The following GRIN2B variants were observed in gnomAD, a reference collection of about 807,000 sequenced individuals.
GRIN2B encodes the protein glutamate ionotropic receptor NMDA type subunit 2B.
Under a neutral mutation model 114.5 loss-of-function variants are expected in GRIN2B, and 5 were observed. The observed-to-expected ratio is 0.04, with a 90% CI of 0.02 to 0.09. The LOEUF is 0.09. Among genes scored for constraint, GRIN2B ranks in the 10% least tolerant of loss-of-function variants. The probability of loss-of-function intolerance (pLI) is 1.00; values close to 1 mark genes in which losing one functional copy is unlikely to be tolerated. For missense variants in GRIN2B, 1,108 were observed against 1,943.5 expected, an observed-to-expected ratio of 0.57 and a Z score of 8.08; for synonymous variants, 787 against 745.1, an observed-to-expected ratio of 1.06 and a Z score of -0.92.
chr12:13,617,296 T>C (rs1949457290), intron 5 of GRIN2B, among the ~76,000 whole-genome samples: 1 of 152,224 alleles, frequency 6.6e-6, no homozygotes, highest in South Asian at 2.1e-4. Flanking sequence ...CATGGGTCAA[T>C]GCAGATGTGC....
intron 4 of GRIN2B, among the ~76,000 whole-genome samples, chr12:13,697,192 C>G (rs947409110): frequency 6.6e-6 from 1 of 152,106 alleles, no homozygotes; most frequent in Non-Finnish European, 1.5e-5. Flanking sequence ...TGAATTACTC[C>G]CACAACTCAG....
intron 5 of GRIN2B, among the ~76,000 whole-genome samples, chr12:13,622,549 T>G (rs1442562632): frequency 6.6e-6 from 1 of 152,198 alleles, no homozygotes; most frequent in African/African-American, 2.4e-5. Flanking sequence ...TTTTCTCTAT[T>G]TACCTATCTT....
intron 2 of GRIN2B, among the ~76,000 whole-genome samples, chr12:13,915,733 A>G (rs1866706133): frequency 1.3e-5 from 2 of 152,066 alleles, no homozygotes; most frequent in African/African-American, 2.4e-5. Flanking sequence ...CAGCCTTAGG[A>G]CCACCTCCAG....
chr12:13,947,497 T>C (rs1036274459), intron 2 of GRIN2B, among the ~76,000 whole-genome samples: 2 of 152,000 alleles, frequency 1.3e-5, no homozygotes, highest in African/African-American at 4.8e-5. Flanking sequence ...ACTGGAGAAA[T>C]GTGGCCCATA....
chr12:13,695,545 A>G (rs1390409971), intron 4 of GRIN2B, among the ~76,000 whole-genome samples: 2 of 152,100 alleles, frequency 1.3e-5, no homozygotes, highest in Non-Finnish European at 2.9e-5. Flanking sequence ...TCAGGTACAA[A>G]GAAGAGTATG....
At chr12:13,613,126 C>T (rs1454522437) in intron 8 of GRIN2B, among the ~76,000 whole-genome samples, 2 of 152,118 alleles carry the variant, frequency 1.3e-5, no homozygotes, top group African/African-American at 4.8e-5. Context: ...GAGATGCGAG[C>T]GTAAGAGGTA....
chr12:13,904,034 T>C (rs1481141687), intron 2 of GRIN2B, among the ~76,000 whole-genome samples: 1 of 152,032 alleles, frequency 6.6e-6, no homozygotes, highest in East Asian at 1.9e-4. Flanking sequence ...TTTCCAACTT[T>C]GTATAGTCAC....
chr12:13,750,352 T>C (rs943134745), intron 4 of GRIN2B, among the ~76,000 whole-genome samples: 3 of 152,324 alleles, frequency 2.0e-5, no homozygotes, highest in Admixed American at 2.0e-4. Flanking sequence ...GATATGTGGT[T>C]AGAAACCAGG....
chr12:13,581,462 T>C (rs374009627), intron 10 of GRIN2B, among the ~76,000 whole-genome samples: 180 of 151,678 alleles, frequency 1.2e-3, no homozygotes, highest in African/African-American at 4.1e-3. Flanking sequence ...TCTCCTCTTC[T>C]ACCATAATCC....
intron 2 of GRIN2B, among the ~76,000 whole-genome samples, chr12:13,956,724 G>C (rs1565600067): frequency 6.6e-6 from 1 of 152,150 alleles, no homozygotes; most frequent in Non-Finnish European, 1.5e-5. Flanking sequence ...CCATTTCCCT[G>C]TAAACATATT....
intron 11 of GRIN2B, among the ~76,000 whole-genome samples, chr12:13,571,332 G>A (rs1948705939): frequency 6.6e-6 from 1 of 152,176 alleles, no homozygotes; most frequent in Admixed American, 6.5e-5. Flanking sequence ...ACTCCCTAGA[G>A]GACAGAGTAT....
At chr12:13,814,266 T>C (rs1343211196) in intron 3 of GRIN2B, among the ~76,000 whole-genome samples, 1 of 152,178 alleles carries the variant, frequency 6.6e-6, no homozygotes, top group African/African-American at 2.4e-5. Flanking sequence ...ATGCACTAAT[T>C]CTCAGCTAGA....
intron 5 of GRIN2B, among the ~76,000 whole-genome samples, chr12:13,654,155 A>G (rs1006128790): frequency 2.0e-5 from 3 of 152,242 alleles, no homozygotes; most frequent in South Asian, 2.1e-4. Flanking sequence ...GAGTGGCTCA[A>G]TGGGAATCCT....
chr12:13,801,524 G>T (rs1466299612), intron 3 of GRIN2B, among the ~76,000 whole-genome samples: 2 of 152,156 alleles, frequency 1.3e-5, no homozygotes, highest in South Asian at 4.1e-4. Flanking sequence ...GGGGCCTGTA[G>T]AAATGGCTTT....
At chr12:13,885,656 G>A (rs1035345528) in intron 2 of GRIN2B, among the ~76,000 whole-genome samples, 6 of 152,122 alleles carry the variant, frequency 3.9e-5, no homozygotes, top group East Asian at 1.9e-4. Context: ...CTACAGGAGC[G>A]CTTAACAAGG....
At chr12:13,967,596 A>C (rs968687087) in intron 2 of GRIN2B, among the ~76,000 whole-genome samples, 5 of 152,258 alleles carry the variant, frequency 3.3e-5, no homozygotes, top group Non-Finnish European at 5.9e-5. Flanking sequence ...GCCATCCATT[A>C]AACATCTATG....
At chr12:13,856,002 A>C (rs148159477) in intron 3 of GRIN2B, among the ~76,000 whole-genome samples, 1 of 152,236 alleles carries the variant, frequency 6.6e-6, no homozygotes, top group Non-Finnish European at 1.5e-5. Flanking sequence ...AGAGAGACAG[A>C]TGTGTTAACA....
At chr12:13,582,658 C>G (rs1315669611) in intron 10 of GRIN2B, among the ~76,000 whole-genome samples, 1 of 151,836 alleles carries the variant, frequency 6.6e-6, no homozygotes, top group East Asian at 1.9e-4. Flanking sequence ...CTTCACAGCT[C>G]TGGATGCTGT....
intron 10 of GRIN2B, among the ~76,000 whole-genome samples, chr12:13,589,499 C>T (rs1948976119): frequency 6.6e-6 from 1 of 152,304 alleles, no homozygotes; most frequent in African/African-American, 2.4e-5. Context: ...TGGACACTAA[C>T]CTTAGTACCA....
Sources: allele counts gnomAD v4.1 joint callset (sites outside exome capture counted in the v4.1 genomes callset), GRCh38; gene constraint gnomAD v4.1.1; transcripts MANE v1.5; gene names NCBI Gene and HGNC (gene_info 2026-07-23, HGNC 2026-07-21).